CPEB1: variants seen among roughly 807,000 people sequenced by gnomAD.
CPEB1 encodes the protein cytoplasmic polyadenylation element-binding protein 1.
CPEB1 carries 7 observed loss-of-function variants against 65.8 expected under a neutral mutation model. That is an observed-to-expected ratio of 0.11 (90% CI 0.06 to 0.20). CPEB1 has a LOEUF of 0.20. Among genes scored for constraint, CPEB1 ranks in the 10% least tolerant of loss-of-function variants. The probability of loss-of-function intolerance (pLI) is 1.00; values close to 1 mark genes in which losing one functional copy is unlikely to be tolerated. For synonymous variants in CPEB1, 262 were observed against 260.0 expected, an observed-to-expected ratio of 1.01 and a Z score of -0.08; for missense variants, 551 against 712.2, an observed-to-expected ratio of 0.77 and a Z score of 2.58.
intron 1 of CPEB1, among the ~76,000 whole-genome samples, chr15:82,631,419 A>AG (rs1403625040): frequency 5.9e-5 from 9 of 151,980 alleles, no homozygotes; most frequent in South Asian, 2.1e-4. Flanking sequence ...CCAATTTGGA[A>AG]GGAAAAAAAA....
chr15:82,549,758 T>C, intron 9 of CPEB1, 100 bp from the exon 10 acceptor site: 22 of 1,178,478 alleles, frequency 1.9e-5, no homozygotes, highest in Non-Finnish European at 2.6e-5. Context: ...GAAGCTAAGC[T>C]AACGCCCTTA....
chr15:82,636,762 T>C (rs976597466), intron 1 of CPEB1, among the ~76,000 whole-genome samples: 1 of 152,202 alleles, frequency 6.6e-6, no homozygotes, highest in African/African-American at 2.4e-5. Context: ...TCAATACAGA[T>C]ACCACATGAA....
chr15:82,646,417 G>A (rs1383784238), intron 1 of CPEB1, among the ~76,000 whole-genome samples: 1 of 152,208 alleles, frequency 6.6e-6, no homozygotes, highest in East Asian at 1.9e-4. Context: ...GGTTGCCAGA[G>A]AAATGCGGCG....
chr15:82,627,145 A>G, intron 3 of CPEB1, 48 bp downstream of exon 3: 2 of 1,442,656 alleles, frequency 1.4e-6, no homozygotes, highest in Non-Finnish European at 1.9e-6. Context: ...ACTTAGAAGC[A>G]GATCTGTACA....
chr15:82,552,673 C>G, intron 8 of CPEB1, 57 bp from the exon 9 acceptor site: 2 of 1,585,480 alleles, frequency 1.3e-6, no homozygotes, highest in Non-Finnish European at 1.7e-6. Flanking sequence ...CACTCCTCAG[C>G]CTTGGCTTTG....
At chr15:82,625,497 G>C (rs1213237502) in intron 3 of CPEB1, among the ~76,000 whole-genome samples, 2 of 152,168 alleles carry the variant, frequency 1.3e-5, no homozygotes, top group Non-Finnish European at 2.9e-5. Context: ...AAAAACAGTA[G>C]TTGTCCTTTG....
chr15:82,587,007 T>C (rs950986359), intron 3 of CPEB1, among the ~76,000 whole-genome samples: 1 of 152,182 alleles, frequency 6.6e-6, no homozygotes. Flanking sequence ...GTTTCAATAG[T>C]TGCCACCCCC....
At chr15:82,565,360 T>C (rs1353911212) in intron 4 of CPEB1, among the ~76,000 whole-genome samples, 2 of 152,296 alleles carry the variant, frequency 1.3e-5, no homozygotes, top group East Asian at 3.9e-4. Flanking sequence ...AAAACCTGTC[T>C]TGCTCCCAGC....
intron 3 of CPEB1, among the ~76,000 whole-genome samples, chr15:82,593,513 T>A (rs950009432): frequency 6.6e-6 from 1 of 152,204 alleles, no homozygotes; most frequent in African/African-American, 2.4e-5. Context: ...AGTTACTTCC[T>A]CCACTGAAGC....
intron 3 of CPEB1, among the ~76,000 whole-genome samples, chr15:82,612,833 CA>C (rs921087856): frequency 1.4e-5 from 2 of 140,876 alleles, no homozygotes; most frequent in African/African-American, 5.4e-5. Flanking sequence ...GACTCTGTCT[CA>C]AAAAAAAGAA....
At chr15:82,647,647 C>G, upstream of CPEB1, 1 of 358,220 alleles carries the variant, frequency 2.8e-6, no homozygotes, top group Non-Finnish European at 4.9e-6. Flanking sequence ...CCCAAAGGCC[C>G]TGAGTCACGA....
chr15:82,584,884 AT>A lies in CPEB1; in HGVS notation c.272-13353del, dbSNP rs889402844. ...TATTTCTCAGTAGTAAGATGACATA[AT>A]TTTTTTTTCCTAATTTGCTTTTTTT... On this transcript the variant is annotated intron_variant, in intron 3 of 12. Coordinates refer to ENST00000684509, the MANE Select transcript of CPEB1 (RefSeq NM_001365242.1). Among the ~76,000 whole-genome samples the A allele has an allele frequency of 1.9e-4, 18 of 93,694 alleles. No individual in the cohort carries two copies. The East Asian group carries it at 4.1e-3, about 22-fold the overall frequency. 61.5% of individuals were successfully genotyped at this position (93,694 alleles called of 152,430 possible).
intron 3 of CPEB1, chr15:82,571,835 T>C (rs1410807412): frequency 5.2e-6 from 6 of 1,161,916 alleles, no homozygotes; most frequent in African/African-American, 4.8e-5. Context: ...AGCCGTGCAA[T>C]AGAGAGCGGC....
At chr15:82,569,530 T>C (rs1458345394) in intron 4 of CPEB1, among the ~76,000 whole-genome samples, 2 of 152,178 alleles carry the variant, frequency 1.3e-5, no homozygotes, top group Non-Finnish European at 2.9e-5. Context: ...AGAAAAACCA[T>C]TTCTATTTCA....
chr15:82,639,917 A>G (rs762833835), intron 1 of CPEB1, among the ~76,000 whole-genome samples: 9 of 152,164 alleles, frequency 5.9e-5, no homozygotes, highest in Non-Finnish European at 1.2e-4. Context: ...AACATTTTAC[A>G]TATGTTGTCA....
intron 9 of CPEB1, among the ~76,000 whole-genome samples, chr15:82,551,960 A>C (rs925760602): frequency 2.6e-5 from 4 of 152,176 alleles, no homozygotes; most frequent in Non-Finnish European, 4.4e-5. Flanking sequence ...AGGAAGAGAG[A>C]ATCTTATGGG....
At chr15:82,630,197 G>C in intron 1 of CPEB1, 1 of 626,816 alleles carries the variant, frequency 1.6e-6, no homozygotes, top group Non-Finnish European at 2.0e-6. Context: ...TTGGCCTCCT[G>C]AGTAGCTGAG....
intron 10 of CPEB1, 37 bp from the exon 11 acceptor site, chr15:82,547,274 T>C (rs755999483): frequency 2.7e-6 from 3 of 1,094,626 alleles, no homozygotes; most frequent in South Asian, 2.8e-5. Flanking sequence ...TCTAACCAAA[T>C]TCTCCCAAAT....
intron 3 of CPEB1, among the ~76,000 whole-genome samples, chr15:82,626,050 G>A (rs2045743359): frequency 6.6e-6 from 1 of 151,332 alleles, no homozygotes; most frequent in African/African-American, 2.4e-5. Context: ...AACCCAGGAG[G>A]CAGAGGTTAC....
Sources: gnomAD v4.1 joint callset for allele counts (sites outside exome capture counted in the v4.1 genomes callset) on GRCh38, gnomAD v4.1.1 for gene constraint, MANE v1.5 for transcripts, NCBI Gene and HGNC (gene_info 2026-07-23, HGNC 2026-07-21) for gene names.